The following SLC39A11 variants were observed in gnomAD, a reference collection of about 807,000 sequenced individuals.
SLC39A11 encodes the protein solute carrier family 39 member 11.
SLC39A11 carries 33 observed loss-of-function variants against 36.1 expected under a neutral mutation model. The ratio of observed to expected loss-of-function variants is 0.91; its 90% CI spans 0.69 to 1.22. SLC39A11 has a LOEUF of 1.22. SLC39A11 is among the 50% of genes most tolerant of loss of function. The probability of loss-of-function intolerance (pLI) is 0.00; values close to 1 mark genes in which losing one functional copy is unlikely to be tolerated. For synonymous variants in SLC39A11, 166 were observed against 170.3 expected (o/e 0.97, Z 0.20); for missense variants, 432 against 430.3 (o/e 1.00, Z -0.03).
chr17:72,988,998 G>A (rs975302205), intron 4 of SLC39A11, among the ~76,000 whole-genome samples: 2 of 152,168 alleles, frequency 1.3e-5, no homozygotes, highest in Non-Finnish European at 2.9e-5. Flanking sequence ...ATCACTTGAG[G>A]TCAGGAGTTC....
intron 4 of SLC39A11, among the ~76,000 whole-genome samples, chr17:73,025,071 G>A (rs1302057602): frequency 1.3e-5 from 2 of 151,980 alleles, no homozygotes; most frequent in African/African-American, 4.8e-5. Context: ...AGCTTCACTA[G>A]AGGCATCTTC....
intron 5 of SLC39A11, among the ~76,000 whole-genome samples, chr17:72,898,089 C>T (rs542121755): frequency 1.8e-4 from 28 of 152,250 alleles, no homozygotes; most frequent in African/African-American, 6.7e-4. Context: ...GCCAAGTGAA[C>T]TGAATGCAGC....
intron 3 of SLC39A11, among the ~76,000 whole-genome samples, chr17:73,081,386 C>A (rs2060504243): frequency 6.6e-6 from 1 of 152,044 alleles, no homozygotes; most frequent in African/African-American, 2.4e-5. Context: ...TGTAAACTAA[C>A]ACAACCACTG....
intron 5 of SLC39A11, among the ~76,000 whole-genome samples, chr17:72,869,996 T>C (rs1259555024): frequency 2.0e-5 from 3 of 152,164 alleles, no homozygotes; most frequent in Admixed American, 2.0e-4. Flanking sequence ...TTAGATCGTA[T>C]CCAGTTTTGC....
chr17:72,672,372 C>A (rs925709571), intron 7 of SLC39A11, among the ~76,000 whole-genome samples: 1 of 152,146 alleles, frequency 6.6e-6, no homozygotes, highest in East Asian at 1.9e-4. Context: ...TAGCTTGAAC[C>A]CAGGAGGTGG....
At chr17:72,816,995 TA>T (rs2077604136) in intron 6 of SLC39A11, among the ~76,000 whole-genome samples, 1 of 152,182 alleles carries the variant, frequency 6.6e-6, no homozygotes, top group Non-Finnish European at 1.5e-5. Context: ...GGGTGCTTGA[TA>T]TTAGATGCAG....
At chr17:72,677,585 G>GTTT (rs1491103920) in intron 7 of SLC39A11, among the ~76,000 whole-genome samples, 110 of 42,480 alleles carry the variant, frequency 2.6e-3, no homozygotes, top group Non-Finnish European at 4.4e-3. Flanking sequence ...GGGCAAATGA[G>GTTT]GGTTTGTGAG....
chr17:72,736,589 G>A lies in SLC39A11; in HGVS notation c.671+61C>T, dbSNP rs549181811. ...CACAGACAGCCCACCCAGGTGACACGCACACCCAGAGCACCCCTGGGTGCA... is the reference window on the plus strand; with the variant it reads ...CACAGACAGCCCACCCAGGTGACACACACACCCAGAGCACCCCTGGGTGCA... On this transcript the variant is annotated intron_variant, in intron 7 of 9. Coordinates refer to ENST00000255559, the MANE Select transcript of SLC39A11 (RefSeq NM_139177.4). The A allele has an allele frequency of 2.8e-5, 39 of 1,412,454 alleles. No individual in the cohort carries two copies. The African/African-American group carries it at 3.4e-4, about 12-fold the overall frequency. 87.5% of individuals were successfully genotyped at this position (1,412,454 alleles called of 1,614,324 possible). A position where few individuals can be genotyped will look rare whatever the true frequency, so the allele number is the denominator to read the frequency against.
chr17:73,046,114 G>A (rs1568181683), intron 3 of SLC39A11, among the ~76,000 whole-genome samples: 1 of 152,148 alleles, frequency 6.6e-6, no homozygotes, highest in Non-Finnish European at 1.5e-5. Flanking sequence ...CTATAAGAGA[G>A]GAGTTTCTCC....
At chr17:72,685,561 G>A (rs1015376628) in intron 7 of SLC39A11, among the ~76,000 whole-genome samples, 4 of 149,910 alleles carry the variant, frequency 2.7e-5, no homozygotes, top group African/African-American at 7.4e-5. Flanking sequence ...TTCATCTCAG[G>A]AACGTGGCAA....
intron 4 of SLC39A11, among the ~76,000 whole-genome samples, chr17:73,022,595 T>TAAAAAAAAA (rs10675859): frequency 5.3e-5 from 3 of 56,776 alleles, no homozygotes; most frequent in Non-Finnish European, 8.5e-5. Flanking sequence ...AACTCCATCT[T>TAAAAAAAAA]AAAAAAAAAA....
chr17:72,990,340 G>GA (rs1307100272), intron 4 of SLC39A11, among the ~76,000 whole-genome samples: 2 of 152,070 alleles, frequency 1.3e-5, no homozygotes, highest in African/African-American at 4.8e-5. Context: ...GACCAAGAAG[G>GA]AAAAAACCCC....
chr17:72,867,753 TGCGC>T (rs200322372), intron 5 of SLC39A11, among the ~76,000 whole-genome samples: 112 of 133,984 alleles, frequency 8.4e-4, no homozygotes, highest in African/African-American at 3.7e-3. Flanking sequence ...TTGAATGAAG[TGCGC>T]GCGCACACAC....
chr17:72,836,882 A>C (rs1234895554), intron 6 of SLC39A11, among the ~76,000 whole-genome samples: 1 of 152,148 alleles, frequency 6.6e-6, no homozygotes, highest in East Asian at 1.9e-4. Flanking sequence ...AGGCCCCTCC[A>C]GTTTCTGGAA....
At chr17:73,064,609 G>T (rs1394529542) in intron 3 of SLC39A11, among the ~76,000 whole-genome samples, 1 of 152,010 alleles carries the variant, frequency 6.6e-6, no homozygotes, top group Non-Finnish European at 1.5e-5. Flanking sequence ...TCTGCTTCCT[G>T]GCCTCAGCTG....
Position 73,047,966 on chromosome 17 carries a change from C to CAA in SLC39A11, c.148-16254_148-16253dup, listed in dbSNP as rs1165334910. On this transcript the variant is annotated intron_variant, in intron 3 of 9. Coordinates refer to ENST00000255559, the MANE Select transcript of SLC39A11 (RefSeq NM_139177.4). ...CTGGCGACAGAGCAAGACTCCATCT[C>CAA]AAAAAAAAAAAAAAAAAAAAAAAAA... 7.3e-4 allele frequency among the ~76,000 whole-genome samples: 15 copies of CAA among 20,482 alleles called. 1 individual carries two copies. Among genetic ancestry groups the CAA allele is most frequent in the East Asian group, 5.4e-3 (1 of 186 alleles). The allele number at this position is 20,482 out of a possible 152,430, so 13.4% of individuals were successfully genotyped here.
At position 72,888,828 on chromosome 17, in the gene SLC39A11, T is replaced by C. The variant is rs138128743; in HGVS notation, c.431-39024A>G. Among the ~76,000 whole-genome samples the C allele has an allele frequency of 7.0e-4, 106 of 151,946 alleles. 1 individual carries two copies. The East Asian group carries it at 0.017, about 24-fold the overall frequency. On this transcript the variant is annotated intron_variant, in intron 5 of 9. Coordinates refer to ENST00000255559, the MANE Select transcript of SLC39A11 (RefSeq NM_139177.4). ...GAGGAGAGAGGATTGCTTAAGCCCA[T>C]GAGTTCAAGACTGCAGTGAGCTATG... is the stretch of plus-strand genomic sequence containing the variant.
At chr17:72,991,826 C>T (rs951818881) in intron 4 of SLC39A11, among the ~76,000 whole-genome samples, 4 of 152,148 alleles carry the variant, frequency 2.6e-5, no homozygotes, top group South Asian at 4.1e-4. Context: ...TGTGTACATT[C>T]GCAAGAATGC....
At chr17:72,966,147 T>TCC (rs1353599161) in intron 4 of SLC39A11, among the ~76,000 whole-genome samples, 1 of 152,168 alleles carries the variant, frequency 6.6e-6, no homozygotes, top group Non-Finnish European at 1.5e-5. Flanking sequence ...CCACAGGGCA[T>TCC]CCAAGGGAGG....
Sources: gnomAD v4.1 joint callset for allele counts (sites outside exome capture counted in the v4.1 genomes callset) on GRCh38, gnomAD v4.1.1 for gene constraint, MANE v1.5 for transcripts, NCBI Gene and HGNC (gene_info 2026-07-23, HGNC 2026-07-21) for gene names.